The following PPARD variants were observed in gnomAD, a reference collection of about 807,000 sequenced individuals.
PPARD encodes peroxisome proliferator activated receptor delta.
PPARD carries 6 observed loss-of-function variants against 39.5 expected under a neutral mutation model. The ratio of observed to expected loss-of-function variants is 0.15; its 90% CI spans 0.08 to 0.30. The LOEUF (loss-of-function observed/expected upper bound fraction) is 0.30, where lower values mean the gene tolerates loss of function less well. Among genes scored for constraint, PPARD ranks in the 10% least tolerant of loss-of-function variants. The pLI, the probability that PPARD is intolerant of heterozygous loss-of-function variation, is 1.00. For synonymous variants in PPARD, 210 were observed against 231.3 expected (o/e 0.91, Z 0.83); for missense variants, 397 against 596.8 (o/e 0.67, Z 3.49).
In PPARD at chr6:35,412,979, G is replaced by A. The variant is rs1378993059; in HGVS notation, c.130+1762G>A. On this transcript the variant is annotated intron_variant, in intron 3 of 7. Coordinates refer to ENST00000360694, the MANE Select transcript of PPARD (RefSeq NM_006238.5). This position sits in a 1 kb window ranked among gnomAD's most constrained non-coding sequence, Gnocchi z 4.1. ...ACTAAGAATGAGTGTGGGATGTCATGAGGATTCAGGGGAGAATGCAAGGAG... is the reference window on the plus strand; with the variant it reads ...ACTAAGAATGAGTGTGGGATGTCATAAGGATTCAGGGGAGAATGCAAGGAG... Among the ~76,000 whole-genome samples the A allele has an allele frequency of 6.6e-6, 1 of 152,218 alleles. No individual in the cohort carries two copies. Among genetic ancestry groups the A allele is most frequent in the African/African-American group, 2.4e-5 (1 of 41,454 alleles).
chr6:35,404,999 G>GTGTGTGTC (rs1764942876), intron 2 of PPARD, among the ~76,000 whole-genome samples: 1 of 136,374 alleles, frequency 7.3e-6, no homozygotes, highest in African/African-American at 2.6e-5. Flanking sequence ...GTGTGTGTGT[G>GTGTGTGTC]TACACACATA....
At chr6:35,367,296 A>G (rs1328604910) in intron 2 of PPARD, among the ~76,000 whole-genome samples, 1 of 152,186 alleles carries the variant, frequency 6.6e-6, no homozygotes, top group African/African-American at 2.4e-5. Flanking sequence ...TGCTTTGTGT[A>G]TGAAGAGGTA....
At chr6:35,402,899 G>A (rs1764796005) in intron 2 of PPARD, among the ~76,000 whole-genome samples, 1 of 152,174 alleles carries the variant, frequency 6.6e-6, no homozygotes, top group Admixed American at 6.5e-5. Flanking sequence ...CCTCACTTCT[G>A]ATCCCAAAAG....
intron 2 of PPARD, among the ~76,000 whole-genome samples, chr6:35,355,094 C>G (rs1263768610): frequency 6.6e-6 from 1 of 152,178 alleles, no homozygotes; most frequent in Admixed American, 6.5e-5. Flanking sequence ...GATTTACAGG[C>G]TTGGGCATAG....
chr6:35,408,212 C>G (rs1765180005), intron 2 of PPARD, among the ~76,000 whole-genome samples: 1 of 152,194 alleles, frequency 6.6e-6, no homozygotes, highest in African/African-American at 2.4e-5. Context: ...AAGTTTGTCT[C>G]TCTATTAGGA....
At position 35,424,009 on chromosome 6, in the gene PPARD, A is replaced by T. The variant is rs1318117662; in HGVS notation, c.488A>T (p.Asn163Ile). The T allele has an allele frequency of 2.5e-6, 4 of 1,614,200 alleles. No homozygotes were observed. The highest frequency in any genetic ancestry group is 1.1e-5 in the South Asian group (1 of 91,084). The change falls in exon 6 of 8, where the codon AAC (asparagine) becomes ATC (isoleucine). Residue 163 changes from asparagine to isoleucine, a missense_variant. Transcript: ENST00000360694. The surrounding 1 kb of genome is among the most constrained non-coding windows in gnomAD (Gnocchi z 7.1). ...AAGCTGGTGGCAGGGCTGACTGCAA[A>T]CGAGGGGAGCCAGTACAACCCACAG... ...KRKLVAGLTA[N>I]EGSQYNPQVA...
At position 35,411,014 on chromosome 6, in the gene PPARD, C is replaced by T. The variant is rs957477506; in HGVS notation, c.-74C>T. ...TGATGGGAACCACCCTGTAGAGGTCCATCTGCGTTCAGACCCAGACGATGC... is the reference window on the plus strand; with the variant it reads ...TGATGGGAACCACCCTGTAGAGGTCTATCTGCGTTCAGACCCAGACGATGC... On this transcript the variant is annotated 5_prime_UTR_variant, in exon 3 of 8. Coordinates refer to ENST00000360694, the MANE Select transcript of PPARD (RefSeq NM_006238.5). 6.6e-6 allele frequency: 9 copies of T among 1,364,090 alleles called. No homozygotes were observed. Among genetic ancestry groups the T allele is most frequent in the Non-Finnish European group, 8.6e-6 (9 of 1,048,950 alleles). 84.5% of individuals were successfully genotyped at this position (1,364,090 alleles called of 1,614,324 possible). A position where few individuals can be genotyped will look rare whatever the true frequency, so the allele number is the denominator to read the frequency against.
At chr6:35,423,426 C>T (rs560167163) in intron 5 of PPARD, among the ~76,000 whole-genome samples, 4 of 150,748 alleles carry the variant, frequency 2.7e-5, no homozygotes, top group South Asian at 2.1e-4. Flanking sequence ...CCCAGCTACT[C>T]GGGAGGCTGA....
chr6:35,405,915 C>T (rs1416254154), intron 2 of PPARD, among the ~76,000 whole-genome samples: 1 of 151,864 alleles, frequency 6.6e-6, no homozygotes. Context: ...CAGGCATGAA[C>T]CACCGCACCT....
chr6:35,417,092 A>T (rs1264279465), intron 3 of PPARD, among the ~76,000 whole-genome samples: 2 of 152,032 alleles, frequency 1.3e-5, no homozygotes, highest in African/African-American at 4.8e-5. Context: ...ATCTTCCCAC[A>T]TTCAGGCAAT....
chr6:35,348,672 G>GT, intron 2 of PPARD: 1 of 985,378 alleles, frequency 1.0e-6, no homozygotes, highest in Non-Finnish European at 1.2e-6. Context: ...AGGGTGGTGA[G>GT]TCCCTGTGTC....
In PPARD at chr6:35,425,963, G is replaced by T. The variant is rs1374702117; in HGVS notation, c.1210G>T (p.Ala404Ser). The T allele has an allele frequency of 6.2e-7, 1 of 1,614,136 alleles. No homozygotes were observed. The highest frequency in any genetic ancestry group is 1.3e-5 in the African/African-American group (1 of 75,034). The change falls in exon 8 of 8, where the codon GCT becomes TCT. Residue 404 changes from alanine (A) to serine (S), a missense_variant. Physicochemically the swap from Ala to Ser is moderately conservative, Grantham distance 99 (BLOSUM62 1). Transcript: ENST00000360694. This position sits in a 1 kb window ranked among gnomAD's most constrained non-coding sequence, Gnocchi z 4.5. ...CTTCCCCAAGCTGCTGCAGAAGATGGCTGACCTGCGGCAACTGGTCACCGA... is the reference window on the plus strand; with the variant it reads ...CTTCCCCAAGCTGCTGCAGAAGATGTCTGACCTGCGGCAACTGGTCACCGA... ...YLFPKLLQKM[A>S]DLRQLVTEHA...
At chr6:35,387,748 G>A (rs1383133533) in intron 2 of PPARD, among the ~76,000 whole-genome samples, 1 of 126,180 alleles carries the variant, frequency 7.9e-6, no homozygotes, top group Non-Finnish European at 1.6e-5. Flanking sequence ...TTGAGATGGA[G>A]TCTTGTGCTG....
intron 2 of PPARD, among the ~76,000 whole-genome samples, chr6:35,379,039 C>G (rs1762976397): frequency 6.6e-6 from 1 of 151,874 alleles, no homozygotes; most frequent in African/African-American, 2.4e-5. Context: ...TTTCAGGAAT[C>G]AGCTTGAACT....
In PPARD at chr6:35,347,806, A is replaced by G. The variant is rs1421065854; in HGVS notation, c.-102+656A>G. On this transcript the variant is annotated intron_variant, in intron 2 of 7. Transcript: ENST00000360694. ...GTATTTTTAGTAGAGATGGGGTTTC[A>G]CCATGTTGGCCAGGCTGGTCTGGAA... Among the ~76,000 whole-genome samples the G allele has an allele frequency of 6.6e-5, 10 of 150,884 alleles. No individual in the cohort carries two copies. The East Asian group carries it at 2.0e-3, about 29-fold the overall frequency.
intron 2 of PPARD, 66 bp downstream of exon 2, chr6:35,347,216 C>T: frequency 6.6e-7 from 1 of 1,509,076 alleles, no homozygotes; most frequent in Non-Finnish European, 8.9e-7. Flanking sequence ...ATTTAAGATC[C>T]TGACCTTGAA....
rs375227491 is a variant in PPARD at position 35,427,166 on chromosome 6, A to G, written c.*1087A>G. On this transcript the variant is annotated 3_prime_UTR_variant, in exon 8 of 8. Coordinates refer to ENST00000360694, the MANE Select transcript of PPARD (RefSeq NM_006238.5). ...GCATCCAGGGCCAGGGCCTGGCCTC[A>G]CATCCCCCTGCTCCTTTCTCTAGCT... The G allele has an allele frequency of 1.9e-5, 3 of 156,328 alleles. No individual in the cohort carries two copies. In the Admixed American group the frequency reaches 2.0e-4, roughly 10 times the overall value. The allele number at this position is 156,328 out of a possible 1,614,324, so 9.7% of individuals were successfully genotyped here.
Position 35,424,880 on chromosome 6 carries a change from G to A in PPARD, c.1078+101G>A, listed in dbSNP as rs951753776. ...TGTGCCTGAGCTCTGACAGTGTGGG[G>A]AAGTGTCCCTGTGATCTTGGCAGTG... On this transcript the variant is annotated intron_variant, in intron 7 of 7. Coordinates refer to ENST00000360694, the MANE Select transcript of PPARD (RefSeq NM_006238.5). The surrounding 1 kb of genome is among the most constrained non-coding windows in gnomAD (Gnocchi z 7.1). The A allele has an allele frequency of 2.7e-6, 4 of 1,499,772 alleles. No homozygotes were observed. The African/African-American group carries it at 4.1e-5, about 16-fold the overall frequency. The allele number at this position is 1,499,772 out of a possible 1,614,324, so 92.9% of individuals were successfully genotyped here.
chr6:35,343,595 A>G (rs1035418055), intron 1 of PPARD, among the ~76,000 whole-genome samples: 7 of 152,224 alleles, frequency 4.6e-5, no homozygotes, highest in Non-Finnish European at 5.9e-5. Context: ...AGGAAATAAC[A>G]GATTGTGTGG....
Sources: allele counts gnomAD v4.1 joint callset (sites outside exome capture counted in the v4.1 genomes callset), GRCh38; gene constraint gnomAD v4.1.1; non-coding constraint Gnocchi (gnomAD v3.1); transcripts MANE v1.5; gene names NCBI Gene and HGNC (gene_info 2026-07-23, HGNC 2026-07-21).